WDR41: variants seen among roughly 807,000 people sequenced by gnomAD.
The protein encoded by WDR41 is WD repeat-containing protein 41.
In WDR41, 63 loss-of-function variants were observed where a neutral mutation model predicts 69.3. The ratio of observed to expected loss-of-function variants is 0.91; its 90% confidence interval spans 0.74 to 1.12. The LOEUF is 1.12. WDR41 is among the 50% of genes most tolerant of loss of function. WDR41 has a pLI of 0.00. For missense variants in WDR41, 543 were observed against 534.5 expected (o/e 1.02, Z -0.16); for synonymous variants, 185 against 192.1 (o/e 0.96, Z 0.31).
intron 8 of WDR41, among the ~76,000 whole-genome samples, chr5:77,447,308 C>T (rs1799422763): frequency 6.6e-6 from 1 of 152,160 alleles, no homozygotes; most frequent in Non-Finnish European, 1.5e-5. Context: ...CATTTTTACA[C>T]TGTTGGTGGG....
intron 1 of WDR41, among the ~76,000 whole-genome samples, chr5:77,595,946 T>C (rs930304325): frequency 1.9e-4 from 29 of 152,328 alleles, no homozygotes; most frequent in African/African-American, 6.0e-4. Context: ...ATGATGCTAT[T>C]TTATGAAATT....
intron 1 of WDR41, among the ~76,000 whole-genome samples, chr5:77,534,562 T>C (rs1234634127): frequency 6.6e-6 from 1 of 152,032 alleles, no homozygotes; most frequent in Non-Finnish European, 1.5e-5. Flanking sequence ...GCCTCCCAAG[T>C]AGCTGGGATT....
At chr5:77,482,366 A>G (rs1409457977) in intron 2 of WDR41, among the ~76,000 whole-genome samples, 1 of 152,224 alleles carries the variant, frequency 6.6e-6, no homozygotes, top group Non-Finnish European at 1.5e-5. Flanking sequence ...TTAAACAGTT[A>G]GAAGGATCCA....
At chr5:77,473,225 A>G (rs1001926679) in intron 2 of WDR41, among the ~76,000 whole-genome samples, 1 of 152,234 alleles carries the variant, frequency 6.6e-6, no homozygotes, top group Admixed American at 6.5e-5. Flanking sequence ...TGGTGCTGGG[A>G]AAACTGGCTA....
At chr5:77,458,879 A>G (rs1274057275) in intron 5 of WDR41, 183 bp downstream of exon 5, 1 of 432,734 alleles carries the variant, frequency 2.3e-6, no homozygotes, top group Non-Finnish European at 4.2e-6. Flanking sequence ...TCAAATTGAA[A>G]CATTCTAACA....
chr5:77,608,222 T>C (rs1486690594), intron 1 of WDR41, among the ~76,000 whole-genome samples: 1 of 152,240 alleles, frequency 6.6e-6, no homozygotes, highest in Non-Finnish European at 1.5e-5. Flanking sequence ...TCCTCAAGGT[T>C]CATCTATGTT....
At chr5:77,573,387 A>G (rs1277725912) in intron 1 of WDR41, among the ~76,000 whole-genome samples, 1 of 152,180 alleles carries the variant, frequency 6.6e-6, no homozygotes, top group East Asian at 1.9e-4. Context: ...CTCTTAATAT[A>G]ATTAGTTTCT....
chr5:77,476,046 G>A lies in WDR41; in HGVS notation c.168-11237C>T, dbSNP rs534977944. 4.1e-4 allele frequency among the ~76,000 whole-genome samples: 63 copies of A among 152,310 alleles called. 1 individual carries two copies. The highest frequency in any genetic ancestry group is 2.7e-3 in the Admixed American group (41 of 15,300). On this transcript the variant is annotated intron_variant, in intron 2 of 12. Coordinates refer to ENST00000296679, the MANE Select transcript of WDR41 (RefSeq NM_018268.4). Reference sequence around the variant, plus strand: ...GAATGCAGAAGCCTCAGAAGCCGATGCGATCAACTGGAAGAAAGGGTATCA... The same window carrying A: ...GAATGCAGAAGCCTCAGAAGCCGATACGATCAACTGGAAGAAAGGGTATCA...
chr5:77,566,440 A>C (rs191388406), intron 1 of WDR41, among the ~76,000 whole-genome samples: 1 of 152,256 alleles, frequency 6.6e-6, no homozygotes, highest in African/African-American at 2.4e-5. Flanking sequence ...AGCGATGAGT[A>C]CCTAAACCAT....
intron 2 of WDR41, among the ~76,000 whole-genome samples, chr5:77,475,026 T>A (rs1800840736): frequency 6.6e-6 from 1 of 152,120 alleles, no homozygotes; most frequent in African/African-American, 2.4e-5. Flanking sequence ...GTCAGGGAGT[T>A]CCCTTTCCTA....
At chr5:77,619,368 C>T (rs2112354414) in intron 1 of WDR41, among the ~76,000 whole-genome samples, 2 of 152,244 alleles carry the variant, frequency 1.3e-5, no homozygotes, top group South Asian at 4.1e-4. Flanking sequence ...AATTAAGAAA[C>T]AAAAGTCCTG....
intron 1 of WDR41, among the ~76,000 whole-genome samples, chr5:77,490,172 G>A (rs1238089860): frequency 1.3e-5 from 2 of 151,968 alleles, no homozygotes; most frequent in African/African-American, 4.8e-5. Context: ...CCACGTTGGC[G>A]AGACTGGTCT....
Position 77,551,746 on chromosome 5 carries a change from G to A in WDR41, c.43-62174C>T, listed in dbSNP as rs1158754363. Among the ~76,000 whole-genome samples the A allele has an allele frequency of 2.0e-5, 3 of 151,592 alleles. No homozygotes were observed. In the East Asian group the frequency reaches 5.9e-4, roughly 30 times the overall value. ...TAGTACCAGCACTTTGGGAGGCCGAGGTGGGTGGATCACCTGAGGTCAGGA... is the reference window on the plus strand; with the variant it reads ...TAGTACCAGCACTTTGGGAGGCCGAAGTGGGTGGATCACCTGAGGTCAGGA... On this transcript the variant is annotated intron_variant, in intron 1 of 5. Transcript: ENST00000509971.
At chr5:77,574,906 T>C (rs1055342896) in intron 1 of WDR41, among the ~76,000 whole-genome samples, 5 of 152,184 alleles carry the variant, frequency 3.3e-5, no homozygotes, top group African/African-American at 7.2e-5. Flanking sequence ...ATAAAGGACA[T>C]AGAGTTAACA....
At chr5:77,491,580 A>G (rs1404367149) in intron 1 of WDR41, among the ~76,000 whole-genome samples, 1 of 152,236 alleles carries the variant, frequency 6.6e-6, no homozygotes, top group Non-Finnish European at 1.5e-5. Context: ...GCCCATGAAG[A>G]AAGTGTGACT....
Position 77,464,197 on chromosome 5 carries a change from C to T in WDR41, c.216+564G>A, listed in dbSNP as rs369815254. 1.6e-4 allele frequency among the ~76,000 whole-genome samples: 24 copies of T among 150,882 alleles called. No individual in the cohort carries two copies. In the East Asian group the frequency reaches 3.9e-3, roughly 24 times the overall value. On this transcript the variant is annotated intron_variant, in intron 3 of 12. Coordinates refer to ENST00000296679, the MANE Select transcript of WDR41 (RefSeq NM_018268.4). ...AAGTCAGGGCATAGCTAGTGATAACCTAAATTTTGTTAAATAAGATTAAAA... is the reference window on the plus strand; with the variant it reads ...AAGTCAGGGCATAGCTAGTGATAACTTAAATTTTGTTAAATAAGATTAAAA...
chr5:77,591,701 T>C (rs1451917871), intron 1 of WDR41, among the ~76,000 whole-genome samples: 1 of 152,126 alleles, frequency 6.6e-6, no homozygotes, highest in African/African-American at 2.4e-5. Flanking sequence ...GTTTGGGGGT[T>C]TACTCGTTTT....
chr5:77,495,980 A>G (rs964201587), upstream of WDR41, among the ~76,000 whole-genome samples: 6 of 152,102 alleles, frequency 3.9e-5, no homozygotes, highest in African/African-American at 1.4e-4. Flanking sequence ...AAATCAACCA[A>G]TGTAATACAT....
intron 1 of WDR41, among the ~76,000 whole-genome samples, chr5:77,574,593 G>A (rs1389439623): frequency 6.6e-6 from 1 of 152,078 alleles, no homozygotes; most frequent in East Asian, 1.9e-4. Context: ...CTAATGCTTT[G>A]ACTTGATTTT....
Sources: allele counts gnomAD v4.1 joint callset (sites outside exome capture counted in the v4.1 genomes callset), GRCh38; gene constraint gnomAD v4.1.1; transcripts MANE v1.5; gene names NCBI Gene and HGNC (gene_info 2026-07-23, HGNC 2026-07-21).